The following MACROD2 variants were observed in gnomAD, a reference collection of about 807,000 sequenced individuals.
MACROD2 encodes mono-ADP ribosylhydrolase 2, also known as ADP-ribose glycohydrolase MACROD2.
A neutral mutation model predicts 70.4 loss-of-function variants in MACROD2; 36 were observed. The ratio of observed to expected loss-of-function variants is 0.51; its 90% confidence interval spans 0.39 to 0.68. MACROD2 has a LOEUF of 0.68. MACROD2 is among the 30% of genes least tolerant of loss of function. MACROD2 has a pLI of 0.00. For missense variants in MACROD2, 496 were observed against 538.4 expected (o/e 0.92, Z 0.78); for synonymous variants, 172 against 178.8 (o/e 0.96, Z 0.30).
chr20:14,390,994 G>C (rs999183642), intron 3 of MACROD2, among the ~76,000 whole-genome samples: 2 of 152,172 alleles, frequency 1.3e-5, no homozygotes, highest in Admixed American at 1.3e-4. Context: ...CAAGGTTGTG[G>C]AGGAAAAGGG....
At chr20:15,403,817 A>T (rs2045962645) in intron 6 of MACROD2, among the ~76,000 whole-genome samples, 1 of 152,234 alleles carries the variant, frequency 6.6e-6, no homozygotes, top group Non-Finnish European at 1.5e-5. Context: ...AGACAGAAAT[A>T]AGAGCAAGTC....
Position 14,326,759 on chromosome 20 carries a change from T to C in MACROD2, c.272-166720T>C. The C allele has an allele frequency of 6.2e-7, 1 of 1,613,818 alleles. No homozygotes were observed. Among genetic ancestry groups the C allele is most frequent in the Non-Finnish European group, 8.5e-7 (1 of 1,179,832 alleles). On this transcript the variant is annotated intron_variant, in intron 3 of 17. Transcript: ENST00000684519. The surrounding 1 kb of genome is among the most constrained non-coding windows in gnomAD (Gnocchi z 5.5). Reference sequence around the variant, plus strand: ...TGGTTATCTTGAAGATAAAGCTTCCTCAGGTTTGTGCCTGGAAGGTTTACT... The same window carrying C: ...TGGTTATCTTGAAGATAAAGCTTCCCCAGGTTTGTGCCTGGAAGGTTTACT...
intron 3 of MACROD2, among the ~76,000 whole-genome samples, chr20:14,454,533 G>T (rs1323933157): frequency 6.6e-6 from 1 of 151,688 alleles, no homozygotes; most frequent in Non-Finnish European, 1.5e-5. Flanking sequence ...ATAAACAGAA[G>T]TCTGGTGGTA....
chr20:16,026,085 G>A (rs1313267796), intron 15 of MACROD2, among the ~76,000 whole-genome samples: 1 of 152,080 alleles, frequency 6.6e-6, no homozygotes. Flanking sequence ...CCCAGGAGGT[G>A]AAGGTTGCAG....
In MACROD2 at chr20:15,302,387, C is replaced by CACACGACAT. The variant is rs6147301; in HGVS notation, c.540+72329_540+72330insCGACATACA. Among the ~76,000 whole-genome samples, 249 of 150,556 alleles carry CACACGACAT rather than the reference C, an allele frequency of 1.7e-3. 4 individuals carry two copies. The East Asian group carries it at 0.038, about 23-fold the overall frequency. On this transcript the variant is annotated intron_variant, in intron 6 of 17. Coordinates refer to ENST00000684519, the MANE Select transcript of MACROD2 (RefSeq NM_001351661.2). ...ACACACACACACACACACACATACA[C>CACACGACAT]ACATACAGATGTGTATCTTTTATTT... is the stretch of plus-strand genomic sequence containing the variant.
chr20:14,976,658 A>G (rs2074742318), intron 5 of MACROD2, among the ~76,000 whole-genome samples: 1 of 152,240 alleles, frequency 6.6e-6, no homozygotes, highest in South Asian at 2.1e-4. Flanking sequence ...TTTCTATGTA[A>G]TATTCTAGAT....
At chr20:14,095,868 A>C (rs1293525803) in intron 3 of MACROD2, among the ~76,000 whole-genome samples, 1 of 152,190 alleles carries the variant, frequency 6.6e-6, no homozygotes, top group Admixed American at 6.5e-5. Flanking sequence ...AGTGTAGTTG[A>C]CCTGCCTTTG....
chr20:15,137,374 C>T (rs1221469169), intron 5 of MACROD2, among the ~76,000 whole-genome samples: 1 of 151,776 alleles, frequency 6.6e-6, no homozygotes. Context: ...GAATACTATG[C>T]AGCCATAAAA....
intron 5 of MACROD2, among the ~76,000 whole-genome samples, chr20:15,137,710 A>T (rs2076160767): frequency 6.6e-6 from 1 of 152,052 alleles, no homozygotes; most frequent in Admixed American, 6.6e-5. Flanking sequence ...AAAGTATAAT[A>T]ATAATAAAAA....
chr20:14,587,422 T>C (rs778083702), intron 4 of MACROD2, among the ~76,000 whole-genome samples: 1 of 151,812 alleles, frequency 6.6e-6, no homozygotes, highest in Non-Finnish European at 1.5e-5. Flanking sequence ...TTGGTTAGAA[T>C]TGAGTTGTTT....
chr20:15,736,841 G>T (rs1207950121), intron 8 of MACROD2, among the ~76,000 whole-genome samples: 1 of 152,150 alleles, frequency 6.6e-6, no homozygotes, highest in Non-Finnish European at 1.5e-5. Flanking sequence ...GTATCTGCAG[G>T]AGGTCCTGGA....
At chr20:14,991,281 C>A (rs2074901651) in intron 5 of MACROD2, among the ~76,000 whole-genome samples, 1 of 152,088 alleles carries the variant, frequency 6.6e-6, no homozygotes, top group African/African-American at 2.4e-5. Flanking sequence ...CCCACTCATA[C>A]CATAACAACT....
chr20:14,319,681 C>G (rs2082641682), intron 3 of MACROD2, among the ~76,000 whole-genome samples: 1 of 152,064 alleles, frequency 6.6e-6, no homozygotes, highest in African/African-American at 2.4e-5. Context: ...ATGTCTTTAC[C>G]CTGATAACAT....
intron 3 of MACROD2, among the ~76,000 whole-genome samples, chr20:14,239,623 C>T (rs1283514392): frequency 6.6e-6 from 1 of 152,122 alleles, no homozygotes; most frequent in East Asian, 1.9e-4. Context: ...AGAAAGGACT[C>T]ATTCAATAAA....
chr20:15,790,555 GTTC>G (rs2063614789), intron 8 of MACROD2, among the ~76,000 whole-genome samples: 1 of 151,784 alleles, frequency 6.6e-6, no homozygotes, highest in African/African-American at 2.4e-5. Flanking sequence ...CGTGTCTAGG[GTTC>G]TTATGTGATT....
intron 6 of MACROD2, among the ~76,000 whole-genome samples, chr20:15,408,256 C>T (rs924649073): frequency 6.6e-6 from 1 of 152,196 alleles, no homozygotes; most frequent in African/African-American, 2.4e-5. Flanking sequence ...CTGTCTTCTG[C>T]AGAGTCCTTT....
At chr20:16,041,888 C>T (rs2067312936) in intron 16 of MACROD2, among the ~76,000 whole-genome samples, 2 of 151,946 alleles carry the variant, frequency 1.3e-5, no homozygotes, top group African/African-American at 4.8e-5. Context: ...GCTAAGGGCC[C>T]TTTGAAATAC....
intron 5 of MACROD2, among the ~76,000 whole-genome samples, chr20:15,060,261 G>A (rs1013816120): frequency 1.3e-5 from 2 of 152,200 alleles, no homozygotes; most frequent in African/African-American, 2.4e-5. Flanking sequence ...GAGTTTTGAA[G>A]GTTGAAGTGA....
intron 5 of MACROD2, among the ~76,000 whole-genome samples, chr20:14,863,583 A>G (rs2073395832): frequency 6.6e-6 from 1 of 152,134 alleles, no homozygotes; most frequent in African/African-American, 2.4e-5. Context: ...CCAGAAAAAT[A>G]TAGTTACATA....
Sources: allele counts gnomAD v4.1 joint callset (sites outside exome capture counted in the v4.1 genomes callset), GRCh38; gene constraint gnomAD v4.1.1; non-coding constraint Gnocchi (gnomAD v3.1); transcripts MANE v1.5; gene names NCBI Gene and HGNC (gene_info 2026-07-23, HGNC 2026-07-21).